SOWAHC: variants seen among roughly 807,000 people sequenced by gnomAD.
SOWAHC encodes sosondowah ankyrin repeat domain family member C.
In SOWAHC, 12 loss-of-function variants were observed where a neutral mutation model predicts 14.4. The observed-to-expected ratio is 0.83, with a 90% CI of 0.53 to 1.35. The LOEUF is 1.35. Among genes scored for constraint, SOWAHC ranks in the 40% most tolerant of loss-of-function variants. The probability of loss-of-function intolerance (pLI) is 0.00; values close to 1 mark genes in which losing one functional copy is unlikely to be tolerated. For synonymous variants in SOWAHC, 398 were observed against 347.0 expected (o/e 1.15, Z -1.63); for missense variants, 771 against 752.8 (o/e 1.02, Z -0.28).
Position 109,615,782 on chromosome 2 carries a change from C to T in SOWAHC, c.1293C>T (p.Ala431=). Residue 431 remains alanine (A), a synonymous_variant, in exon 1 of 1, where the codon GCC becomes GCT. Transcript: ENST00000356454. Reference sequence around the variant, plus strand: ...TCATCACCTACAAACTCTCACACGCCCTAGAAGATGGAGGGGACCATCACC... The same window carrying T: ...TCATCACCTACAAACTCTCACACGCTCTAGAAGATGGAGGGGACCATCACC... ...SHLITYKLSH[A]LEDGGDHHHH... 10 of 1,614,116 alleles carry T rather than the reference C, an allele frequency of 6.2e-6. No homozygotes were observed. Among genetic ancestry groups the T allele is most frequent in the Non-Finnish European group, 8.5e-6 (10 of 1,180,048 alleles).
Position 109,615,347 on chromosome 2 carries a change from G to T in SOWAHC, c.858G>T (p.Leu286Phe). The T allele has an allele frequency of 1.9e-6, 3 of 1,612,488 alleles. No individual in the cohort carries two copies. The highest frequency in any genetic ancestry group is 2.5e-6 in the Non-Finnish European group (3 of 1,179,872). The part of the protein sequence containing the change: ...SDGKWDSLEG[L>F]LTCEPGLLVK... ...GCAAGTGGGACAGCCTGGAGGGCTT[G>T]CTCACCTGCGAGCCCGGCCTGCTGG... The change falls in exon 1 of 1, where the codon TTG (leucine) becomes TTT (phenylalanine). Residue 286 changes from leucine (L) to phenylalanine (F), a missense_variant. Leu to Phe is a conservative substitution (Grantham distance 22). Transcript: ENST00000356454.
Position 109,614,542 on chromosome 2 carries a change from T to C in SOWAHC, c.53T>C (p.Val18Ala), listed in dbSNP as rs965845386. The stretch of plus-strand genomic sequence containing the variant: ...GAGGCGGCGCTGGGCCCCGAGGCGG[T>C]GCTGCGCTTCCTGGCGGAGCGCGGG... ...GPEAALGPEAVLRFLAERGGR... is the reference protein window; with the variant it reads ...GPEAALGPEAALRFLAERGGR... The change falls in exon 1 of 1, where the codon GTG becomes GCG. Residue 18 changes from valine to alanine, a missense_variant. Physicochemically the swap from Val to Ala is moderately conservative, Grantham distance 64. Transcript: ENST00000356454. The C allele has an allele frequency of 6.1e-6, 8 of 1,312,878 alleles. No homozygotes were observed. The highest frequency in any genetic ancestry group is 3.1e-5 in the African/African-American group (2 of 64,396). The allele number at this position is 1,312,878 out of a possible 1,614,324, so 81.3% of individuals were successfully genotyped here. A position where few individuals can be genotyped will look rare whatever the true frequency, so the allele number is the denominator to read the frequency against.
rs1010267746 is a variant in SOWAHC, at chr2:109,615,062, C to T, written c.573C>T (p.Ser191=). ...GCGAGGAGGCGGACAGGGGCAGCTCCCTTGTGGGGGCTACCGCACAGAGGC... is the reference window on the plus strand; with the variant it reads ...GCGAGGAGGCGGACAGGGGCAGCTCTCTTGTGGGGGCTACCGCACAGAGGC... ...HGCEEADRGS[S]LVGATAQRPA... is the part of the protein sequence containing the mutation. Residue 191 remains serine, a synonymous_variant, in exon 1 of 1, where the codon TCC becomes TCT. Transcript: ENST00000356454. 1.3e-6 allele frequency: 2 copies of T among 1,549,326 alleles called. No individual in the cohort carries two copies. Among genetic ancestry groups the T allele is most frequent in the East Asian group, 4.9e-5 (2 of 40,902 alleles).
Position 109,615,375 on chromosome 2 carries a change from A to G in SOWAHC, c.886A>G (p.Lys296Glu). The stretch of plus-strand genomic sequence containing the variant: ...CACCTGCGAGCCCGGCCTGCTGGTC[A>G]AGCGGGACTTCATTACCGGCTTCAC... The part of the protein sequence containing the change: ...LLTCEPGLLV[K>E]RDFITGFTCL... Residue 296 changes from lysine to glutamate, a missense_variant, in exon 1 of 1, where the codon AAG (lysine) becomes GAG (glutamate). Physicochemically the swap from Lys to Glu is moderately conservative, Grantham distance 56. Coordinates refer to ENST00000356454, the MANE Select transcript of SOWAHC (RefSeq NM_023016.4). 6.2e-7 allele frequency: 1 copy of G among 1,613,038 alleles called. No individual in the cohort carries two copies.
rs761192789 is a variant in SOWAHC, at chr2:109,615,530, G to C, written c.1041G>C (p.Leu347Phe). ...RTSGGYTALH[L>F]AAMHGHVEVV... ...GCGGGGGTTACACCGCCCTGCACTT[G>C]GCAGCCATGCACGGCCACGTGGAGG... The change falls in exon 1 of 1, where the codon TTG becomes TTC. Residue 347 changes from leucine to phenylalanine, a missense_variant. By Grantham distance (22) the Leu-to-Phe change is conservative. Transcript: ENST00000356454. The C allele has an allele frequency of 3.1e-6, 5 of 1,613,974 alleles. No homozygotes were observed. Among genetic ancestry groups the C allele is most frequent in the Non-Finnish European group, 1.7e-6 (2 of 1,180,034 alleles).
Position 109,614,868 on chromosome 2 carries a change from C to G in SOWAHC, c.379C>G (p.Leu127Val), listed in dbSNP as rs565466035. Residue 127 changes from leucine to valine, a missense_variant, in exon 1 of 1, where the codon CTC becomes GTC. Physicochemically the swap from Leu to Val is conservative, Grantham distance 32 (BLOSUM62 1). Coordinates refer to ENST00000356454, the MANE Select transcript of SOWAHC (RefSeq NM_023016.4). ...CCCCGACGCGGCGGCCCCGGAGTCG[C>G]TCCCTGGACAGGGCCGCGAGCTGGG... Reference protein sequence around the residue: ...RLPDAAAPESLPGQGRELGEG... With the variant: ...RLPDAAAPESVPGQGRELGEG... 93 of 1,420,640 alleles carry G rather than the reference C, an allele frequency of 6.5e-5. 1 individual carries two copies. The Admixed American group carries it at 2.6e-3, about 39-fold the overall frequency. The allele number at this position is 1,420,640 out of a possible 1,614,324, so 88.0% of individuals were successfully genotyped here.
rs2106431037 is a variant in SOWAHC, at chr2:109,614,469, G to C, written c.-21G>C. On this transcript the variant is annotated 5_prime_UTR_variant, in exon 1 of 1. Coordinates refer to ENST00000356454, the MANE Select transcript of SOWAHC (RefSeq NM_023016.4). ...GGACCGCGCTGAGCCGCCCGCTGGC[G>C]GGGGAGCAGCGCGGTCGAGGATGGA... is the stretch of plus-strand genomic sequence containing the variant. The C allele has an allele frequency of 8.2e-7, 1 of 1,218,408 alleles. No individual in the cohort carries two copies. Among genetic ancestry groups the C allele is most frequent in the East Asian group, 3.4e-5 (1 of 29,470 alleles). The allele number at this position is 1,218,408 out of a possible 1,614,324, so 75.5% of individuals were successfully genotyped here.
Position 109,616,096 on chromosome 2 carries a change from T to G in SOWAHC, c.*29T>G, listed in dbSNP as rs2106438391. 1 of 1,469,560 alleles carries G rather than the reference T, an allele frequency of 6.8e-7. No homozygotes were observed. The highest frequency in any genetic ancestry group is 1.4e-5 in the African/African-American group (1 of 70,838). 91.0% of individuals were successfully genotyped at this position (1,469,560 alleles called of 1,614,324 possible). A position where few individuals can be genotyped will look rare whatever the true frequency, so the allele number is the denominator to read the frequency against. ...TTGCTTCTTTTAGAAAATGCAAAGG[T>G]TTATTTGTCTTAATAAATTGAATAC... On this transcript the variant is annotated 3_prime_UTR_variant, in exon 1 of 1. Coordinates refer to ENST00000356454, the MANE Select transcript of SOWAHC (RefSeq NM_023016.4).
In SOWAHC at chr2:109,615,370, T is replaced by C. The variant is rs766678490; in HGVS notation, c.881T>C (p.Leu294Pro). 6.2e-7 allele frequency: 1 copy of C among 1,612,974 alleles called. No homozygotes were observed. The highest frequency in any genetic ancestry group is 8.5e-7 in the Non-Finnish European group (1 of 1,180,012). The change falls in exon 1 of 1, where the codon CTG becomes CCG. Residue 294 changes from leucine to proline, a missense_variant. By Grantham distance (98) the Leu-to-Pro change is moderately conservative. Coordinates refer to ENST00000356454, the MANE Select transcript of SOWAHC (RefSeq NM_023016.4). ...EGLLTCEPGLLVKRDFITGFT... is the reference protein window; with the variant it reads ...EGLLTCEPGLPVKRDFITGFT... ...TTGCTCACCTGCGAGCCCGGCCTGC[T>C]GGTCAAGCGGGACTTCATTACCGGC...
In SOWAHC at chr2:109,614,849, C is replaced by T. The variant is rs1479543314; in HGVS notation, c.360C>T (p.Asp120=). 1.4e-6 allele frequency: 2 copies of T among 1,401,142 alleles called. No homozygotes were observed. The highest frequency in any genetic ancestry group is 1.5e-5 in the African/African-American group (1 of 65,808). The allele number at this position is 1,401,142 out of a possible 1,614,324, so 86.8% of individuals were successfully genotyped here. ...CCGAGGCGCGCGATCGGCTCCCCGA[C>T]GCGGCGGCCCCGGAGTCGCTCCCTG... ...AGPEARDRLP[D]AAAPESLPGQ... Residue 120 remains aspartate, a synonymous_variant, in exon 1 of 1, where the codon GAC becomes GAT. Transcript: ENST00000356454.
In SOWAHC at chr2:109,618,974, A is replaced by C. The variant is rs1264699683; in HGVS notation, c.*2907A>C. 6.0e-6 allele frequency: 1 copy of C among 167,086 alleles called. No individual in the cohort carries two copies. The highest frequency in any genetic ancestry group is 2.4e-5 in the African/African-American group (1 of 41,450). The allele number at this position is 167,086 out of a possible 1,614,324, so 10.4% of individuals were successfully genotyped here. On this transcript the variant is annotated 3_prime_UTR_variant, in exon 1 of 1. Transcript: ENST00000356454. Reference sequence around the variant, plus strand: ...CTGTAAAGTTTGTTTTGTGAAAATAAAATGTTCACAGTAGAATTTTTCTCT... The same window carrying C: ...CTGTAAAGTTTGTTTTGTGAAAATACAATGTTCACAGTAGAATTTTTCTCT...
Position 109,616,126 on chromosome 2 carries a change from T to C in SOWAHC, c.*59T>C, listed in dbSNP as rs1487785302. 7.0e-7 allele frequency: 1 copy of C among 1,429,946 alleles called. No individual in the cohort carries two copies. The highest frequency in any genetic ancestry group is 1.4e-5 in the African/African-American group (1 of 69,580). 88.6% of individuals were successfully genotyped at this position (1,429,946 alleles called of 1,614,324 possible). ...TTGTCTTAATAAATTGAATACTAGG[T>C]GTTGTAAGGAAGTGAGACCAGAAGG... On this transcript the variant is annotated 3_prime_UTR_variant, in exon 1 of 1. Coordinates refer to ENST00000356454, the MANE Select transcript of SOWAHC (RefSeq NM_023016.4).
chr2:109,614,760 T>C lies in SOWAHC; in HGVS notation c.271T>C (p.Ser91Pro). The change falls in exon 1 of 1, where the codon TCC becomes CCC. Residue 91 changes from serine (S) to proline (P), a missense_variant. Coordinates refer to ENST00000356454, the MANE Select transcript of SOWAHC (RefSeq NM_023016.4). ...GTTCTGTGAAGGGCCGTCCGAGCCC[T>C]CCGGGGACCCGCCGCGAATCCAGGT... ...KRFCEGPSEP[S>P]GDPPRIQVTA... 1 of 1,479,082 alleles carries C rather than the reference T, an allele frequency of 6.8e-7. No individual in the cohort carries two copies. Among genetic ancestry groups the C allele is most frequent in the Non-Finnish European group, 8.9e-7 (1 of 1,120,162 alleles). The allele number at this position is 1,479,082 out of a possible 1,614,324, so 91.6% of individuals were successfully genotyped here.
chr2:109,616,384 T>A lies in SOWAHC; in HGVS notation c.*317T>A. 4.7e-6 allele frequency: 1 copy of A among 210,730 alleles called. No individual in the cohort carries two copies. Among genetic ancestry groups the A allele is most frequent in the Non-Finnish European group, 1.0e-5 (1 of 98,172 alleles). The allele number at this position is 210,730 out of a possible 1,614,324, so 13.1% of individuals were successfully genotyped here. On this transcript the variant is annotated 3_prime_UTR_variant, in exon 1 of 1. Transcript: ENST00000356454. The stretch of plus-strand genomic sequence containing the variant: ...ATTAATGAATGAGAGTTCCTTTGCT[T>A]TAACCATTCCTGGATGCCTGCAAAG...
rs985714732 is a variant in SOWAHC, at chr2:109,615,494, C to A, written c.1005C>A (p.Asp335Glu). 6.2e-7 allele frequency: 1 copy of A among 1,613,694 alleles called. No individual in the cohort carries two copies. The highest frequency in any genetic ancestry group is 1.7e-5 in the Admixed American group (1 of 60,034). ...AACACCAGCTGCCGGTGAACATCGA[C>A]GCCAGGACGAGCGGGGGTTACACCG... ...ANKHQLPVNI[D>E]ARTSGGYTAL... Residue 335 changes from aspartate (D) to glutamate (E), a missense_variant, in exon 1 of 1, where the codon GAC (aspartate) becomes GAA (glutamate). By Grantham distance (45) the Asp-to-Glu change is conservative (BLOSUM62 2). Coordinates refer to ENST00000356454, the MANE Select transcript of SOWAHC (RefSeq NM_023016.4).
rs1700152626 is a variant in SOWAHC at position 109,616,317 on chromosome 2, G to C, written c.*250G>C. 1 of 358,732 alleles carries C rather than the reference G, an allele frequency of 2.8e-6. No homozygotes were observed. The highest frequency in any genetic ancestry group is 4.6e-5 in the Admixed American group (1 of 21,700). 22.2% of individuals were successfully genotyped at this position (358,732 alleles called of 1,614,324 possible). A position where few individuals can be genotyped will look rare whatever the true frequency, so the allele number is the denominator to read the frequency against. ...TTCCCTGCCCTGGAGTCCGTTTCTGGAGACTAGAAATGTATCTAAATTGGG... is the reference window on the plus strand; with the variant it reads ...TTCCCTGCCCTGGAGTCCGTTTCTGCAGACTAGAAATGTATCTAAATTGGG... On this transcript the variant is annotated 3_prime_UTR_variant, in exon 1 of 1. Transcript: ENST00000356454.
chr2:109,615,701 C>G lies in SOWAHC; in HGVS notation c.1212C>G (p.Ser404Arg). Reference sequence around the variant, plus strand: ...CCCTGGACGAGGGTGACGGGGAAAGCGCCGCGGGTAGCGGCGGCGGGCGCT... The same window carrying G: ...CCCTGGACGAGGGTGACGGGGAAAGGGCCGCGGGTAGCGGCGGCGGGCGCT... ...VGALDEGDGE[S>R]AAGSGGGRWR... The change falls in exon 1 of 1, where the codon AGC (serine) becomes AGG (arginine). Residue 404 changes from serine to arginine, a missense_variant. Transcript: ENST00000356454. 2 of 1,613,916 alleles carry G rather than the reference C, an allele frequency of 1.2e-6. No individual in the cohort carries two copies. The highest frequency in any genetic ancestry group is 1.7e-6 in the Non-Finnish European group (2 of 1,179,920).
Position 109,616,119 on chromosome 2 carries a change from T to A in SOWAHC, c.*52T>A. ...GGTTTATTTGTCTTAATAAATTGAATACTAGGTGTTGTAAGGAAGTGAGAC... is the reference window on the plus strand; with the variant it reads ...GGTTTATTTGTCTTAATAAATTGAAAACTAGGTGTTGTAAGGAAGTGAGAC... On this transcript the variant is annotated 3_prime_UTR_variant, in exon 1 of 1. Coordinates refer to ENST00000356454, the MANE Select transcript of SOWAHC (RefSeq NM_023016.4). The A allele has an allele frequency of 2.8e-6, 4 of 1,437,338 alleles. No individual in the cohort carries two copies. The highest frequency in any genetic ancestry group is 3.7e-6 in the Non-Finnish European group (4 of 1,095,870). 89.0% of individuals were successfully genotyped at this position (1,437,338 alleles called of 1,614,324 possible). A position where few individuals can be genotyped will look rare whatever the true frequency, so the allele number is the denominator to read the frequency against.
chr2:109,614,981 A>C lies in SOWAHC; in HGVS notation c.492A>C (p.Leu164=). ...RKNSRRDVQP[L]PRTPAPGPSE... ...ACTCGCGGCGCGACGTGCAGCCCCTACCGCGGACTCCAGCCCCGGGGCCCA... is the reference window on the plus strand; with the variant it reads ...ACTCGCGGCGCGACGTGCAGCCCCTCCCGCGGACTCCAGCCCCGGGGCCCA... Residue 164 remains leucine (L), a synonymous_variant, in exon 1 of 1, where the codon CTA becomes CTC. Transcript: ENST00000356454. 6.5e-7 allele frequency: 1 copy of C among 1,539,736 alleles called. No individual in the cohort carries two copies. The highest frequency in any genetic ancestry group is 8.7e-7 in the Non-Finnish European group (1 of 1,145,804).
Sources: gnomAD v4.1 joint callset for allele counts on GRCh38, gnomAD v4.1.1 for gene constraint, MANE v1.5 for transcripts, NCBI Gene and HGNC (gene_info 2026-07-23, HGNC 2026-07-21) for gene names.